FAT3: variants seen among roughly 807,000 people sequenced by gnomAD.
FAT3 encodes the protein protocadherin Fat 3.
In FAT3, 95 loss-of-function variants were observed where a neutral mutation model predicts 310.2. The observed-to-expected ratio is 0.31, with a 90% CI of 0.26 to 0.36. The LOEUF (loss-of-function observed/expected upper bound fraction) is 0.36. FAT3 is among the 10% of genes least tolerant of loss of function. The pLI is 1.00. For synonymous variants in FAT3, 2,314 were observed against 2,192.9 expected (o/e 1.06, Z -1.54); for missense variants, 5,408 against 5,715.6 (o/e 0.95, Z 1.74).
chr11:92,302,885 A>G (rs1189843322), intron 1 of FAT3, among the ~76,000 whole-genome samples: 1 of 152,188 alleles, frequency 6.6e-6, no homozygotes, highest in African/African-American at 2.4e-5. Flanking sequence ...CTTAATAACA[A>G]CTGTGGAAAT....
In FAT3 at chr11:92,669,793, C is replaced by T. The variant is rs139189776; in HGVS notation, c.3608-27591C>T. On this transcript the variant is annotated intron_variant, in intron 3 of 27. Coordinates refer to ENST00000525166, the MANE Select transcript of FAT3 (RefSeq NM_001367949.2). The stretch of plus-strand genomic sequence containing the variant: ...GACCAATCATGTACTGTCTGAACTG[C>T]TGCTCCTAATCCATAAAATGGGAAT... 3.3e-3 allele frequency among the ~76,000 whole-genome samples: 503 copies of T among 152,304 alleles called. 2 individuals are homozygous for T. The highest frequency in any genetic ancestry group is 0.011 in the African/African-American group (450 of 41,566).
intron 4 of FAT3, among the ~76,000 whole-genome samples, chr11:92,743,599 T>G (rs1343178167): frequency 6.6e-6 from 1 of 152,210 alleles, no homozygotes; most frequent in Admixed American, 6.5e-5. Flanking sequence ...CCACATTCAC[T>G]GTTGCCAAGC....
At chr11:92,639,448 G>A (rs1327384434) in intron 3 of FAT3, among the ~76,000 whole-genome samples, 17 of 152,034 alleles carry the variant, frequency 1.1e-4, no homozygotes, top group Admixed American at 1.1e-3. Flanking sequence ...ACTGCAATGT[G>A]GTTGTGAAAA....
intron 2 of FAT3, among the ~76,000 whole-genome samples, chr11:92,489,825 G>A (rs1478280885): frequency 1.3e-5 from 2 of 151,816 alleles, no homozygotes; most frequent in Non-Finnish European, 2.9e-5. Flanking sequence ...AGGCTGAAAA[G>A]TAGCTCAGTT....
At chr11:92,719,475 T>C (rs975023299) in intron 4 of FAT3, among the ~76,000 whole-genome samples, 11 of 145,256 alleles carry the variant, frequency 7.6e-5, no homozygotes, top group Non-Finnish European at 1.7e-4. Flanking sequence ...GATGTAGTAT[T>C]TGCATATAAA....
chr11:92,451,580 C>T (rs376010164), intron 2 of FAT3, among the ~76,000 whole-genome samples: 2 of 152,090 alleles, frequency 1.3e-5, no homozygotes, highest in East Asian at 1.9e-4. Flanking sequence ...GGGATATGGA[C>T]GTTAGTTACA....
chr11:92,861,633 C>T (rs566263022), intron 21 of FAT3, among the ~76,000 whole-genome samples: 2 of 152,296 alleles, frequency 1.3e-5, no homozygotes, highest in Admixed American at 1.3e-4. Flanking sequence ...GTTTGCTTTT[C>T]ATATGTTGGG....
intron 3 of FAT3, 36 bp downstream of exon 3, chr11:92,524,984 T>C (rs1953810711): frequency 6.5e-7 from 1 of 1,532,806 alleles, no homozygotes; most frequent in Non-Finnish European, 9.0e-7. Context: ...TTTTAGTTTG[T>C]AGTCCAGCCT....
chr11:92,554,832 C>T (rs905426637), intron 3 of FAT3, among the ~76,000 whole-genome samples: 4 of 152,276 alleles, frequency 2.6e-5, no homozygotes, highest in Admixed American at 1.3e-4. Flanking sequence ...TGCACTGCTG[C>T]GCTTGTCACT....
At chr11:92,520,826 C>T (rs1483324078) in intron 2 of FAT3, among the ~76,000 whole-genome samples, 2 of 152,056 alleles carry the variant, frequency 1.3e-5, no homozygotes, top group Non-Finnish European at 2.9e-5. Context: ...ACATTGTGTT[C>T]CAAGATACTC....
intron 1 of FAT3, among the ~76,000 whole-genome samples, chr11:92,266,776 G>T (rs1382385773): frequency 6.6e-6 from 1 of 152,038 alleles, no homozygotes; most frequent in Non-Finnish European, 1.5e-5. Flanking sequence ...GTGAATATTT[G>T]CCAGAAGTTT....
chr11:92,300,955 G>A (rs1946983505), intron 1 of FAT3, among the ~76,000 whole-genome samples: 1 of 152,138 alleles, frequency 6.6e-6, no homozygotes, highest in Non-Finnish European at 1.5e-5. Context: ...GATAATGGCA[G>A]CAGGGTGGCA....
chr11:92,655,588 A>G (rs1942547829), intron 3 of FAT3, among the ~76,000 whole-genome samples: 1 of 152,098 alleles, frequency 6.6e-6, no homozygotes. Context: ...TCATCATCCC[A>G]TCTACTTACT....
intron 1 of FAT3, among the ~76,000 whole-genome samples, chr11:92,281,881 C>T (rs902906497): frequency 6.6e-6 from 1 of 152,078 alleles, no homozygotes; most frequent in Non-Finnish European, 1.5e-5. Context: ...ATCTCCATCC[C>T]CACCATCTGA....
chr11:92,505,753 A>G (rs1447636455), intron 2 of FAT3, among the ~76,000 whole-genome samples: 7 of 152,130 alleles, frequency 4.6e-5, no homozygotes, highest in Non-Finnish European at 1.0e-4. Flanking sequence ...AATGATAATA[A>G]TTCTCTGCTG....
chr11:92,536,098 T>C (rs491448), intron 3 of FAT3, among the ~76,000 whole-genome samples: 61,845 of 152,004 alleles, frequency 0.41, 13,027 homozygotes, highest in Middle Eastern at 0.54. Context: ...TTTTTTGTCA[T>C]CTTTGAGTGA....
At chr11:92,543,297 T>C (rs184355788) in intron 3 of FAT3, among the ~76,000 whole-genome samples, 1 of 152,274 alleles carries the variant, frequency 6.6e-6, no homozygotes, top group East Asian at 1.9e-4. Flanking sequence ...CAGTATTGCA[T>C]TATATATTTC....
rs550254630 is a variant in FAT3 at position 92,894,977 on chromosome 11, A to G, written c.*3864A>G. 1 of 152,304 alleles carries G rather than the reference A, an allele frequency of 6.6e-6. No individual in the cohort carries two copies. The highest frequency in any genetic ancestry group is 1.5e-5 in the Non-Finnish European group (1 of 68,024). The allele number at this position is 152,304 out of a possible 1,614,324, so 9.4% of individuals were successfully genotyped here. ...CCACTGATGCTATGTTTGCATCATC[A>G]AAGTCAGGGGAATTGAGAAAAGAGA... On this transcript the variant is annotated 3_prime_UTR_variant, in exon 28 of 28. Coordinates refer to ENST00000525166, the MANE Select transcript of FAT3 (RefSeq NM_001367949.2).
rs374119939 is a variant in FAT3 at position 92,333,947 on chromosome 11, A to T, written c.-17-18149A>T. Among the ~76,000 whole-genome samples, 3 of 152,320 alleles carry T rather than the reference A, an allele frequency of 2.0e-5. No individual in the cohort carries two copies. The East Asian group carries it at 5.8e-4, about 29-fold the overall frequency. On this transcript the variant is annotated intron_variant, in intron 1 of 27. Transcript: ENST00000525166. The stretch of plus-strand genomic sequence containing the variant: ...AACTTTTGCATTTTCTCCTCAGTTT[A>T]AATAGATTACAGTTAGTGAGAAAAT...
Sources: allele counts gnomAD v4.1 joint callset (sites outside exome capture counted in the v4.1 genomes callset), GRCh38; gene constraint gnomAD v4.1.1; transcripts MANE v1.5; gene names NCBI Gene and HGNC (gene_info 2026-07-23, HGNC 2026-07-21).